The following FRMD4A variants were observed in gnomAD, a reference collection of about 807,000 sequenced individuals.
FRMD4A encodes the protein FERM domain containing 4A.
FRMD4A carries 29 observed loss-of-function variants against 129.1 expected under a neutral mutation model. The ratio of observed to expected loss-of-function variants is 0.22; its 90% CI spans 0.17 to 0.31. The LOEUF (loss-of-function observed/expected upper bound fraction) is 0.31, where lower values mean the gene tolerates loss of function less well. Ranked by LOEUF, FRMD4A falls within the 10% of genes least tolerant of loss-of-function variation. The pLI, the probability that FRMD4A is intolerant of heterozygous loss-of-function variation, is 1.00. For synonymous variants in FRMD4A, 634 were observed against 571.6 expected, an observed-to-expected ratio of 1.11 and a Z score of -1.56; for missense variants, 1,272 against 1,375.8, an observed-to-expected ratio of 0.92 and a Z score of 1.19.
chr10:13,938,330 C>T (rs1055468453), intron 2 of FRMD4A, among the ~76,000 whole-genome samples: 1 of 151,994 alleles, frequency 6.6e-6, no homozygotes, highest in Non-Finnish European at 1.5e-5. Flanking sequence ...AAACCTCTGC[C>T]CCCCGGGTTC....
At chr10:14,040,157 G>A (rs939704202) in intron 2 of FRMD4A, among the ~76,000 whole-genome samples, 2 of 152,120 alleles carry the variant, frequency 1.3e-5, no homozygotes, top group Non-Finnish European at 2.9e-5. Context: ...ACAGCCAGTC[G>A]AATGACAGAG....
Position 13,904,663 on chromosome 10 carries a change from A to G in FRMD4A, c.46-45751T>C, listed in dbSNP as rs186850459. On this transcript the variant is annotated intron_variant, in intron 2 of 24. Coordinates refer to ENST00000357447, the MANE Select transcript of FRMD4A (RefSeq NM_018027.5). ...AGCCAAGCATTGTGATCAGAACCCAATAGATTTTTATAGTTAAATCCATCC... is the reference window on the plus strand; with the variant it reads ...AGCCAAGCATTGTGATCAGAACCCAGTAGATTTTTATAGTTAAATCCATCC... Among the ~76,000 whole-genome samples the G allele has an allele frequency of 2.7e-3, 406 of 152,292 alleles. 13 individuals carry two copies. Among genetic ancestry groups the G allele is most frequent in the East Asian group, 7.7e-4 (4 of 5,188 alleles).
Position 13,861,100 on chromosome 10 carries a change from G to T in FRMD4A, c.46-2188C>A, listed in dbSNP as rs560571409. On this transcript the variant is annotated intron_variant, in intron 2 of 24. Coordinates refer to ENST00000357447, the MANE Select transcript of FRMD4A (RefSeq NM_018027.5). ...GCCGAAGGTGCCTACTGCACTCACG[G>T]CTCAGTCCCACCCAGTGGCCAGCCA... 5.9e-5 allele frequency among the ~76,000 whole-genome samples: 9 copies of T among 152,306 alleles called. No individual in the cohort carries two copies. In the East Asian group the frequency reaches 1.7e-3, roughly 29 times the overall value.
At chr10:13,679,474 T>TATATATACACACACACACAC (rs1308155926) in intron 15 of FRMD4A, among the ~76,000 whole-genome samples, 30 of 31,490 alleles carry the variant, frequency 9.5e-4, no homozygotes, top group Non-Finnish European at 1.1e-3. Flanking sequence ...TATATATATA[T>TATATATACACACACACACAC]ACACACACAC....
At chr10:13,882,145 G>A (rs2094554525) in intron 2 of FRMD4A, among the ~76,000 whole-genome samples, 1 of 152,038 alleles carries the variant, frequency 6.6e-6, no homozygotes, top group Non-Finnish European at 1.5e-5. Flanking sequence ...GCAGGGTGCT[G>A]AGGTGGGGGT....
At chr10:14,235,393 C>T (rs1422312249) in intron 2 of FRMD4A, among the ~76,000 whole-genome samples, 1 of 151,894 alleles carries the variant, frequency 6.6e-6, no homozygotes, top group Non-Finnish European at 1.5e-5. Context: ...CGCGATCCAC[C>T]CACCTCGGTC....
intron 2 of FRMD4A, among the ~76,000 whole-genome samples, chr10:14,120,861 G>A (rs1838470156): frequency 6.6e-6 from 1 of 152,210 alleles, no homozygotes; most frequent in South Asian, 2.1e-4. Flanking sequence ...CCTGTCTCCT[G>A]GCTGATGTCC....
At position 13,700,111 on chromosome 10, in the gene FRMD4A, CT is replaced by C. The variant is rs113984358; in HGVS notation, c.975+1228del. Among the ~76,000 whole-genome samples the C allele has an allele frequency of 2.9e-4, 43 of 149,496 alleles. 1 individual carries two copies. The highest frequency in any genetic ancestry group is 6.6e-4 in the African/African-American group (27 of 40,702). ...TCATTTCGTCCTGTCCTCTTTTCTT[CT>C]TTTTTTTTTCTTTTAGTAGAGATGG... On this transcript the variant is annotated intron_variant, in intron 14 of 24. Coordinates refer to ENST00000357447, the MANE Select transcript of FRMD4A (RefSeq NM_018027.5).
chr10:14,158,253 C>T (rs545677552), intron 2 of FRMD4A, among the ~76,000 whole-genome samples: 1 of 152,186 alleles, frequency 6.6e-6, no homozygotes, highest in Admixed American at 6.5e-5. Flanking sequence ...AATTGACTGA[C>T]TAGAGGAAAT....
intron 2 of FRMD4A, among the ~76,000 whole-genome samples, chr10:13,972,879 A>G (rs940168478): frequency 6.6e-6 from 1 of 152,212 alleles, no homozygotes; most frequent in Admixed American, 6.5e-5. Flanking sequence ...AATCATGGTA[A>G]GTCATAAGGC....
intron 1 of FRMD4A, 63 bp downstream of exon 1, chr10:14,330,534 A>T: frequency 2.5e-6 from 1 of 407,534 alleles, no homozygotes; most frequent in Non-Finnish European, 4.3e-6. Context: ...AGCCCGAGCC[A>T]CCCCCTCTCT....
intron 2 of FRMD4A, among the ~76,000 whole-genome samples, chr10:13,997,784 A>G (rs2446565): frequency 0.49 from 74,644 of 151,516 alleles, 20,535 homozygotes; most frequent in East Asian, 0.93. Context: ...CACCACACCC[A>G]GCTAATTTGT....
intron 2 of FRMD4A, among the ~76,000 whole-genome samples, chr10:14,251,039 C>G (rs1367502720): frequency 6.6e-6 from 1 of 152,100 alleles, no homozygotes; most frequent in Non-Finnish European, 1.5e-5. Flanking sequence ...CCAAAGGGAA[C>G]AGCCAAAAAT....
chr10:14,179,687 T>C (rs55643118), intron 2 of FRMD4A, among the ~76,000 whole-genome samples: 4,753 of 152,346 alleles, frequency 0.031, 86 homozygotes, highest in Middle Eastern at 0.054. Flanking sequence ...ACAAAAATTA[T>C]ATAGCGATTA....
intron 2 of FRMD4A, among the ~76,000 whole-genome samples, chr10:14,004,359 AT>A (rs577884020): frequency 5.9e-4 from 90 of 152,350 alleles, no homozygotes; most frequent in African/African-American, 2.1e-3. Flanking sequence ...CCTGGCCAAC[AT>A]GGTGAAACCC....
intron 2 of FRMD4A, among the ~76,000 whole-genome samples, chr10:13,859,763 C>T (rs553358996): frequency 3.3e-5 from 5 of 152,210 alleles, no homozygotes; most frequent in East Asian, 1.9e-4. Flanking sequence ...TTCCCTACAG[C>T]GCTGTCACCA....
intron 15 of FRMD4A, among the ~76,000 whole-genome samples, chr10:13,680,165 A>C (rs192229537): frequency 3.3e-5 from 5 of 152,198 alleles, no homozygotes; most frequent in Admixed American, 6.5e-5. Context: ...TGGGACTGTC[A>C]AAAACTAAAA....
At chr10:13,796,455 G>T in intron 5 of FRMD4A, 41 bp downstream of exon 5, 3 of 969,366 alleles carry the variant, frequency 3.1e-6, no homozygotes, top group South Asian at 2.6e-5. Flanking sequence ...CCCTGATAAA[G>T]AACACAAAGA....
At chr10:14,165,165 TAA>T (rs993365381) in intron 2 of FRMD4A, among the ~76,000 whole-genome samples, 9 of 151,726 alleles carry the variant, frequency 5.9e-5, no homozygotes, top group Non-Finnish European at 1.3e-4. Flanking sequence ...AATAAGGAAA[TAA>T]AAACAAAAAC....
Sources: allele counts gnomAD v4.1 joint callset (sites outside exome capture counted in the v4.1 genomes callset), GRCh38; gene constraint gnomAD v4.1.1; transcripts MANE v1.5; gene names NCBI Gene and HGNC (gene_info 2026-07-23, HGNC 2026-07-21).